The following PGM3 variants were observed in gnomAD, a reference collection of about 807,000 sequenced individuals.
PGM3 encodes phosphoacetylglucosamine mutase.
In PGM3, 40 loss-of-function variants were observed where a neutral mutation model predicts 66.2. The ratio of observed to expected loss-of-function variants is 0.60; its 90% confidence interval spans 0.47 to 0.79. PGM3 has a LOEUF of 0.79. Among genes scored for constraint, PGM3 ranks in the 30% least tolerant of loss-of-function variants. PGM3 has a pLI of 0.00. For synonymous variants in PGM3, 191 were observed against 224.2 expected, an observed-to-expected ratio of 0.85 and a Z score of 1.32; for missense variants, 537 against 643.4, an observed-to-expected ratio of 0.83 and a Z score of 1.79.
At chr6:83,174,533 C>A in intron 9 of PGM3, 46 bp from the exon 10 acceptor site, 1 of 1,025,148 alleles carries the variant, frequency 9.8e-7, no homozygotes, top group Non-Finnish European at 1.5e-6. Flanking sequence ...CTATCCAAAA[C>A]CTAGTCATAA....
chr6:83,154,731 C>T, the PGM3 span, among the ~76,000 whole-genome samples: 1 of 151,860 alleles, frequency 6.6e-6, no homozygotes, highest in Non-Finnish European at 1.5e-5. Flanking sequence ...CAGAATCACC[C>T]CCCACCCCCT....
downstream of PGM3, among the ~76,000 whole-genome samples, chr6:83,161,464 G>A (rs373366127): frequency 3.3e-5 from 5 of 152,068 alleles, no homozygotes; most frequent in South Asian, 2.1e-4. Flanking sequence ...TATAAAGTTC[G>A]AAAGATAGCA....
downstream of PGM3, chr6:83,158,655 T>C (rs1290527873): frequency 6.9e-7 from 1 of 1,447,198 alleles, no homozygotes; most frequent in Non-Finnish European, 9.6e-7. Context: ...TGTTGTCCAT[T>C]TTTTAATACC....
downstream of PGM3, chr6:83,159,890 T>C: frequency 2.5e-6 from 4 of 1,614,120 alleles, no homozygotes; most frequent in Non-Finnish European, 3.4e-6. Flanking sequence ...GTTAAACCTC[T>C]ATCTCTCTGC....
chr6:83,157,082 C>A, downstream of PGM3: 1 of 1,173,190 alleles, frequency 8.5e-7, no homozygotes, highest in Non-Finnish European at 1.2e-6. Context: ...TAAAGTTTAT[C>A]CTTTACTACA....
In PGM3 at chr6:83,165,804, T is replaced by C. The variant is rs1386806308; in HGVS notation, c.*3430A>G. 2.3e-5 allele frequency: 7 copies of C among 304,914 alleles called. No individual in the cohort carries two copies. Among genetic ancestry groups the C allele is most frequent in the Admixed American group, 7.1e-5 (2 of 28,356 alleles). 18.9% of individuals were successfully genotyped at this position (304,914 alleles called of 1,614,324 possible). A position where few individuals can be genotyped will look rare whatever the true frequency, so the allele number is the denominator to read the frequency against. Reference sequence around the variant, plus strand: ...CGGCCCAGTGTTGTCGTGAAAAGAATTGGGCCCTTTCTGGTGGCCAATGCC... The same window carrying C: ...CGGCCCAGTGTTGTCGTGAAAAGAACTGGGCCCTTTCTGGTGGCCAATGCC... On this transcript the variant is annotated 3_prime_UTR_variant, in exon 13 of 13. Transcript: ENST00000513973.
At chr6:83,157,108 C>A, downstream of PGM3, 1 of 1,464,548 alleles carries the variant, frequency 6.8e-7, no homozygotes, top group Non-Finnish European at 9.3e-7. Context: ...TTTGAGAGTA[C>A]TGGACCGACA....
chr6:83,188,997 A>T (rs1465764517), intron 2 of PGM3, among the ~76,000 whole-genome samples, 199 bp from the exon 3 acceptor site: 1 of 152,192 alleles, frequency 6.6e-6, no homozygotes, highest in African/African-American at 2.4e-5. Flanking sequence ...CATGACACAC[A>T]TAATCAATTA....
rs777712157 is a variant in PGM3, at chr6:83,178,695, C to T, written c.1007G>A (p.Arg336Gln). The T allele has an allele frequency of 5.0e-6, 8 of 1,599,112 alleles. No individual in the cohort carries two copies. Among genetic ancestry groups the T allele is most frequent in the African/African-American group, 2.7e-5 (2 of 74,500 alleles). Residue 336 changes from arginine (R) to glutamine (Q), a missense_variant, in exon 8 of 13, where the codon CGG (arginine) becomes CAG (glutamine). By Grantham distance (43) the Arg-to-Gln change is conservative. Transcript: ENST00000513973. ...QTAYANGSSTRYLEEVMKVPV... is the reference protein window; with the variant it reads ...QTAYANGSSTQYLEEVMKVPV... ...TACCTTCATAACTTCTTCAAGATAC[C>T]GTGTTGAACTTCCATTTGCATATGC...
chr6:83,179,519 G>T (rs1788021884), intron 7 of PGM3, among the ~76,000 whole-genome samples: 1 of 151,982 alleles, frequency 6.6e-6, no homozygotes, highest in African/African-American at 2.4e-5. Context: ...CTTTTATGGA[G>T]TGACCACAGA....
intron 1 of PGM3, chr6:83,192,958 G>C (rs908148497): frequency 2.6e-5 from 4 of 152,210 alleles, no homozygotes; most frequent in African/African-American, 9.7e-5. Context: ...CTAGGTCCAC[G>C]TACCAGAGCC....
chr6:83,188,854 G>A, intron 2 of PGM3, 56 bp from the exon 3 acceptor site: 2 of 1,465,500 alleles, frequency 1.4e-6, no homozygotes, highest in South Asian at 1.2e-5. Context: ...GCTGAGTTGA[G>A]AACAGAACTC....
intron 8 of PGM3, among the ~76,000 whole-genome samples, chr6:83,178,040 A>G (rs766361644): frequency 8.5e-5 from 13 of 152,186 alleles, no homozygotes; most frequent in Admixed American, 1.3e-4. Context: ...CCCTGTACCT[A>G]TCACAACAGT....
At position 83,167,828 on chromosome 6, in the gene PGM3, G is replaced by GTA; in HGVS notation, c.*1404_*1405dup. 6.4e-7 allele frequency: 1 copy of GTA among 1,572,396 alleles called. No homozygotes were observed. Among genetic ancestry groups the GTA allele is most frequent in the Non-Finnish European group, 8.6e-7 (1 of 1,160,556 alleles). ...TTTCTAACATACCACATTGTCTGTTGTATTAATACCAGTTCACTTTTTGTT... is the reference window on the plus strand; with the variant it reads ...TTTCTAACATACCACATTGTCTGTTGTATATTAATACCAGTTCACTTTTTGTT... On this transcript the variant is annotated 3_prime_UTR_variant, in exon 13 of 13. Transcript: ENST00000513973.
chr6:83,163,723 A>G (rs959103666), downstream of PGM3, among the ~76,000 whole-genome samples: 67 of 152,116 alleles, frequency 4.4e-4, no homozygotes, highest in African/African-American at 1.6e-3. Flanking sequence ...GATGCTGAGT[A>G]CAGATTGCAA....
the PGM3 span, chr6:83,154,387 C>T: frequency 2.3e-5 from 16 of 681,920 alleles, no homozygotes; most frequent in Non-Finnish European, 4.0e-5. Flanking sequence ...AGGGAAAGCA[C>T]ACTACTTTCT....
chr6:83,162,904 T>C, downstream of PGM3: 1 of 1,612,670 alleles, frequency 6.2e-7, no homozygotes, highest in Non-Finnish European at 8.5e-7. Flanking sequence ...CAAAACTTCT[T>C]CGGAAAAGAG....
the PGM3 span, chr6:83,153,420 G>A: frequency 1.3e-6 from 1 of 747,524 alleles, no homozygotes; most frequent in Admixed American, 2.9e-5. Flanking sequence ...ATTTTAAGTA[G>A]TCTAGGTTTT....
Position 83,167,772 on chromosome 6 carries a change from A to G in PGM3, c.*1462T>C, listed in dbSNP as rs2128466937. ...TAATGTCATTTGTATTCATTTCTTG[A>G]CCAATTGCCAAAGTTTATATATTTT... On this transcript the variant is annotated 3_prime_UTR_variant, in exon 13 of 13. Coordinates refer to ENST00000513973, the MANE Select transcript of PGM3 (RefSeq NM_015599.3). 6.9e-7 allele frequency: 1 copy of G among 1,456,470 alleles called. No individual in the cohort carries two copies. The highest frequency in any genetic ancestry group is 2.5e-5 in the East Asian group (1 of 40,232). 90.2% of individuals were successfully genotyped at this position (1,456,470 alleles called of 1,614,324 possible).
Sources: allele counts gnomAD v4.1 joint callset (sites outside exome capture counted in the v4.1 genomes callset), GRCh38; gene constraint gnomAD v4.1.1; transcripts MANE v1.5; gene names NCBI Gene and HGNC (gene_info 2026-07-23, HGNC 2026-07-21).